The following HIPK3 variants were observed in gnomAD, a reference collection of about 807,000 sequenced individuals.
HIPK3 encodes the protein homeodomain-interacting protein kinase 3.
Under a neutral mutation model 124.2 loss-of-function variants are expected in HIPK3, and 47 were observed. The observed-to-expected ratio is 0.38, with a 90% confidence interval of 0.30 to 0.48. HIPK3 has a LOEUF of 0.48. Ranked by LOEUF, HIPK3 falls within the 20% of genes least tolerant of loss-of-function variation. HIPK3 has a pLI of 0.98. For synonymous variants in HIPK3, 482 were observed against 515.2 expected, an observed-to-expected ratio of 0.94 and a Z score of 0.87; for missense variants, 1,286 against 1,454.3, an observed-to-expected ratio of 0.88 and a Z score of 1.88.
chr11:33,273,001 AT>A (rs1247640708), intron 1 of HIPK3, among the ~76,000 whole-genome samples: 35 of 145,664 alleles, frequency 2.4e-4, no homozygotes, highest in South Asian at 4.4e-4. Context: ...TGCCTGGCTA[AT>A]TTTTTTTTTT....
At chr11:33,332,476 G>GATGGTTGA (rs1853015493) in intron 3 of HIPK3, among the ~76,000 whole-genome samples, 1 of 152,134 alleles carries the variant, frequency 6.6e-6, no homozygotes, top group Non-Finnish European at 1.5e-5. Flanking sequence ...TGGATGGATG[G>GATGGTTGA]ATGGTTGAAT....
At position 33,353,676 on chromosome 11, in the gene HIPK3, A is replaced by G. The variant is rs1853740687; in HGVS notation, c.*108A>G. ...AGAAAATTATTTTTGAATCATGTAG[A>G]CTTGGGTGCAATTTAAACAACTTTG... is the stretch of plus-strand genomic sequence containing the variant. On this transcript the variant is annotated 3_prime_UTR_variant, in exon 17 of 17. Coordinates refer to ENST00000303296, the MANE Select transcript of HIPK3 (RefSeq NM_005734.5). The G allele has an allele frequency of 3.9e-6, 3 of 777,144 alleles. No individual in the cohort carries two copies. The allele number at this position is 777,144 out of a possible 1,614,324, so 48.1% of individuals were successfully genotyped here.
At chr11:33,274,767 G>A (rs1313649942) in intron 1 of HIPK3, among the ~76,000 whole-genome samples, 1 of 151,990 alleles carries the variant, frequency 6.6e-6, no homozygotes, top group South Asian at 2.1e-4. Flanking sequence ...ATTTGTACTG[G>A]CAGGGTGATT....
At chr11:33,351,035 T>A (rs1258851420) in intron 14 of HIPK3, among the ~76,000 whole-genome samples, 1 of 152,136 alleles carries the variant, frequency 6.6e-6, no homozygotes, top group African/African-American at 2.4e-5. Flanking sequence ...ATAAATGCTG[T>A]AGAAATCCCA....
chr11:33,272,968 G>A (rs1851175037), intron 1 of HIPK3, among the ~76,000 whole-genome samples: 1 of 151,236 alleles, frequency 6.6e-6, no homozygotes, highest in Non-Finnish European at 1.5e-5. Context: ...CCAAGTAGCT[G>A]GGACTATAGG....
intron 1 of HIPK3, among the ~76,000 whole-genome samples, chr11:33,265,744 G>C (rs1850937404): frequency 8.6e-6 from 1 of 116,262 alleles, no homozygotes; most frequent in Non-Finnish European, 1.7e-5. Context: ...CTGCAATCCA[G>C]CTTGAGTGAT....
rs368057701 is a variant in HIPK3, at chr11:33,348,831, C to A, written c.2666+13C>A. On this transcript the variant is annotated intron_variant, in intron 13 of 16. Transcript: ENST00000303296. ...ATTCACTCAGAGAGTAAGTGCCAAA[C>A]GCTGCATCCTCAAAGGATATAGATG... is the stretch of plus-strand genomic sequence containing the variant. The A allele has an allele frequency of 6.2e-7, 1 of 1,606,860 alleles. No individual in the cohort carries two copies. Among genetic ancestry groups the A allele is most frequent in the Non-Finnish European group, 8.5e-7 (1 of 1,174,906 alleles).
intron 14 of HIPK3, among the ~76,000 whole-genome samples, chr11:33,350,109 T>G (rs549630329): frequency 6.6e-6 from 1 of 152,334 alleles, no homozygotes; most frequent in African/African-American, 2.4e-5. Flanking sequence ...ATTCTTAATT[T>G]CAGCCCCACA....
At chr11:33,270,149 T>C (rs1228222853) in intron 1 of HIPK3, among the ~76,000 whole-genome samples, 3 of 150,744 alleles carry the variant, frequency 2.0e-5, no homozygotes, top group African/African-American at 7.3e-5. Flanking sequence ...GGCTAATTTT[T>C]TGTATTTGCA....
intron 2 of HIPK3, among the ~76,000 whole-genome samples, chr11:33,289,414 C>A (rs931695320): frequency 1.3e-5 from 2 of 151,860 alleles, no homozygotes; most frequent in Non-Finnish European, 2.9e-5. Context: ...CACTGCACTC[C>A]AGCCTGAGTG....
chr11:33,264,918 A>G (rs1213761352), intron 1 of HIPK3, among the ~76,000 whole-genome samples: 1 of 152,212 alleles, frequency 6.6e-6, no homozygotes, highest in Non-Finnish European at 1.5e-5. Flanking sequence ...TTTCAATTAC[A>G]TGTTATCTCT....
intron 3 of HIPK3, among the ~76,000 whole-genome samples, chr11:33,334,897 T>C (rs1192663416): frequency 6.6e-6 from 1 of 152,120 alleles, no homozygotes. Flanking sequence ...TGGAGGCAGG[T>C]AGAATAATCA....
In HIPK3 at chr11:33,347,847, C is replaced by T. The variant is rs184315270; in HGVS notation, c.2145-5C>T. On this transcript the variant is annotated splice_polypyrimidine_tract_variant and splice_region_variant and intron_variant, in intron 10 of 16. Transcript: ENST00000303296. ...TTAAAAACATTGTTCTGAACTTCTC[C>T]CTAGGAAGATGATTTCATGCAGCAA... 25 of 1,613,974 alleles carry T rather than the reference C, an allele frequency of 1.5e-5. No individual in the cohort carries two copies. In the African/African-American group the frequency reaches 2.8e-4, roughly 18 times the overall value.
At chr11:33,352,114 CTT>C (rs775013226) in intron 15 of HIPK3, 22 bp from the exon 16 acceptor site, 3 of 1,604,282 alleles carry the variant, frequency 1.9e-6, no homozygotes, top group Non-Finnish European at 2.6e-6. Flanking sequence ...AGCATAAACT[CTT>C]TAATATTTTA....
intron 1 of HIPK3, among the ~76,000 whole-genome samples, chr11:33,282,903 C>A (rs1036112056): frequency 6.6e-6 from 1 of 152,036 alleles, no homozygotes; most frequent in Non-Finnish European, 1.5e-5. Context: ...TACAGTGAGA[C>A]CTAGTCTCTT....
At position 33,285,247 on chromosome 11, in the gene HIPK3, C is replaced by G. The variant is rs141168881; in HGVS notation, c.-2-1166C>G. ...AGAATGTCATTTAGTCCTTGAGAAC[C>G]TTAGAATGATTTTAAATCTGTTTTT... On this transcript the variant is annotated intron_variant, in intron 1 of 16. Coordinates refer to ENST00000303296, the MANE Select transcript of HIPK3 (RefSeq NM_005734.5). Among the ~76,000 whole-genome samples, 164 of 152,122 alleles carry G rather than the reference C, an allele frequency of 1.1e-3. 3 individuals carry two copies. The East Asian group carries it at 0.028, about 26-fold the overall frequency.
At chr11:33,342,606 C>T (rs557420088) in intron 8 of HIPK3, among the ~76,000 whole-genome samples, 21 of 149,890 alleles carry the variant, frequency 1.4e-4, no homozygotes, top group Admixed American at 6.0e-4. Context: ...TGCAATGGCA[C>T]TATCTCGGCG....
chr11:33,267,175 T>G (rs1471387749), intron 1 of HIPK3, among the ~76,000 whole-genome samples: 3 of 151,470 alleles, frequency 2.0e-5, no homozygotes, highest in Non-Finnish European at 4.4e-5. Flanking sequence ...CAGGCTAGAG[T>G]GCAGTGGCGC....
At chr11:33,289,023 G>C (rs1371755715) in intron 2 of HIPK3, among the ~76,000 whole-genome samples, 3 of 152,098 alleles carry the variant, frequency 2.0e-5, no homozygotes, top group Non-Finnish European at 4.4e-5. Context: ...ATATGCTATA[G>C]TGCCCAGTAT....
Sources: allele counts gnomAD v4.1 joint callset (sites outside exome capture counted in the v4.1 genomes callset), GRCh38; gene constraint gnomAD v4.1.1; transcripts MANE v1.5; gene names NCBI Gene and HGNC (gene_info 2026-07-23, HGNC 2026-07-21).